SPAM1: variants seen among roughly 807,000 people sequenced by gnomAD.
SPAM1 encodes the protein hyaluronidase PH-20.
In SPAM1, 22 loss-of-function variants were observed where a neutral mutation model predicts 29.6. The ratio of observed to expected loss-of-function variants is 0.74; its 90% CI spans 0.53 to 1.06. The LOEUF (loss-of-function observed/expected upper bound fraction) is 1.06, where lower values mean the gene tolerates loss of function less well. Ranked by LOEUF, SPAM1 falls within the 50% of genes least tolerant of loss-of-function variation. The pLI is 0.00. For synonymous variants in SPAM1, 194 were observed against 204.6 expected, an observed-to-expected ratio of 0.95 and a Z score of 0.44; for missense variants, 534 against 604.0, an observed-to-expected ratio of 0.88 and a Z score of 1.21.
Position 123,933,139 on chromosome 7 carries a change from G to A in SPAM1, c.-319+7787G>A, listed in dbSNP as rs561535510. 8.6e-5 allele frequency among the ~76,000 whole-genome samples: 13 copies of A among 151,658 alleles called. No individual in the cohort carries two copies. The South Asian group carries it at 1.9e-3, about 22-fold the overall frequency. On this transcript the variant is annotated intron_variant, in intron 1 of 4. Coordinates refer to ENST00000682466, the MANE Select transcript of SPAM1 (RefSeq NM_153189.3). Reference sequence around the variant, plus strand: ...TACATAGGTATACATGTGCCATGGCGGTTTGCTTCACCTATCAACCTGTTA... The same window carrying A: ...TACATAGGTATACATGTGCCATGGCAGTTTGCTTCACCTATCAACCTGTTA...
In SPAM1 at chr7:123,953,652, C is replaced by A; in HGVS notation, c.82C>A (p.Leu28Ile). 2 of 1,613,194 alleles carry A rather than the reference C, an allele frequency of 1.2e-6. No homozygotes were observed. The highest frequency in any genetic ancestry group is 1.7e-6 in the Non-Finnish European group (2 of 1,179,594). ...AGTATCCCAGATAGTTTTCACCTTC[C>A]TTCTGATTCCATGTTGCTTGACTCT... ...SGVSQIVFTF[L>I]LIPCCLTLNF... The change falls in exon 3 of 5, where the codon CTT becomes ATT. Residue 28 changes from leucine to isoleucine, a missense_variant. Physicochemically the swap from Leu to Ile is conservative, Grantham distance 5. Transcript: ENST00000682466.
rs73720307 is a variant in SPAM1, at chr7:123,926,413, T to C, written c.-319+1061T>C. Among the ~76,000 whole-genome samples, 1,432 of 152,294 alleles carry C rather than the reference T, an allele frequency of 9.4e-3. 25 individuals are homozygous for C. The highest frequency in any genetic ancestry group is 0.033 in the African/African-American group (1,367 of 41,554). On this transcript the variant is annotated intron_variant, in intron 1 of 4. Transcript: ENST00000682466. Reference sequence around the variant, plus strand: ...AACTTTGGCAAAATAAACTTCTAAATTGATTGAGACCTGTCTCTGATACTT... The same window carrying C: ...AACTTTGGCAAAATAAACTTCTAAACTGATTGAGACCTGTCTCTGATACTT...
rs370443819 is a variant in SPAM1 at position 123,960,022 on chromosome 7, C to T, written c.*53C>T. 41 of 1,518,758 alleles carry T rather than the reference C, an allele frequency of 2.7e-5. No homozygotes were observed. The highest frequency in any genetic ancestry group is 2.1e-4 in the African/African-American group (15 of 72,040). 94.1% of individuals were successfully genotyped at this position (1,518,758 alleles called of 1,614,324 possible). ...ATGTCCATCTTAAAGTGTGCTTTTT[C>T]GACTAATTAAATCTTTGAAAAGAAC... On this transcript the variant is annotated 3_prime_UTR_variant, in exon 5 of 5. Coordinates refer to ENST00000682466, the MANE Select transcript of SPAM1 (RefSeq NM_153189.3).
rs564099218 is a variant in SPAM1, at chr7:123,969,898, A to G, written c.1486-300A>G. On this transcript the variant is annotated intron_variant, in intron 5 of 6. Coordinates refer to the SPAM1 transcript ENST00000340011. ...TAGATTGTTTTGGATAGTATATCTA[A>G]TAGCTTTGATGTATGGTGAAGGCAC... Among the ~76,000 whole-genome samples, 5 of 152,112 alleles carry G rather than the reference A, an allele frequency of 3.3e-5. No individual in the cohort carries two copies. In the East Asian group the frequency reaches 7.7e-4, roughly 24 times the overall value.
At chr7:123,964,364 T>C (rs1340835830), downstream of SPAM1, among the ~76,000 whole-genome samples, 2 of 151,980 alleles carry the variant, frequency 1.3e-5, no homozygotes, top group Admixed American at 6.6e-5. Flanking sequence ...ATTTTTATTA[T>C]GTATCACATA....
chr7:123,939,498 G>A (rs1023691171), intron 1 of SPAM1, among the ~76,000 whole-genome samples: 3 of 152,090 alleles, frequency 2.0e-5, no homozygotes, highest in African/African-American at 4.8e-5. Context: ...TGTGGCTTCT[G>A]GATGACATGC....
chr7:123,926,605 GT>G (rs1807893023), intron 1 of SPAM1, among the ~76,000 whole-genome samples: 1 of 152,142 alleles, frequency 6.6e-6, no homozygotes, highest in African/African-American at 2.4e-5. Context: ...TCGGGGTACA[GT>G]TTGGTTTTAT....
At chr7:123,929,635 G>T (rs1359769772) in intron 1 of SPAM1, among the ~76,000 whole-genome samples, 1 of 152,078 alleles carries the variant, frequency 6.6e-6, no homozygotes, top group Non-Finnish European at 1.5e-5. Flanking sequence ...GGGTATTAAG[G>T]ATACATCCAC....
intron 1 of SPAM1, among the ~76,000 whole-genome samples, chr7:123,948,259 T>C (rs1808649323): frequency 1.3e-5 from 2 of 152,166 alleles, no homozygotes; most frequent in Non-Finnish European, 2.9e-5. Flanking sequence ...AATTCTTAGC[T>C]TGGAGTCACT....
At chr7:123,961,023 T>C (rs537794053), downstream of SPAM1, among the ~76,000 whole-genome samples, 3 of 151,732 alleles carry the variant, frequency 2.0e-5, no homozygotes, top group African/African-American at 7.3e-5. Flanking sequence ...CTTAAAATCT[T>C]TTTTATTTTT....
chr7:123,970,130 T>C, intron 5 of SPAM1: 1 of 1,508,656 alleles, frequency 6.6e-7, no homozygotes, highest in Non-Finnish European at 9.0e-7. Context: ...CTAGTGATGC[T>C]ATAACAAAGT....
chr7:123,930,177 A>G (rs1447471039), intron 1 of SPAM1, among the ~76,000 whole-genome samples: 1 of 152,070 alleles, frequency 6.6e-6, no homozygotes, highest in East Asian at 1.9e-4. Flanking sequence ...TCCTACTTCC[A>G]ATTTCATCTC....
At position 123,953,978 on chromosome 7, in the gene SPAM1, A is replaced by G; in HGVS notation, c.408A>G (p.Pro136=). 6.2e-7 allele frequency: 1 copy of G among 1,613,794 alleles called. No homozygotes were observed. Among genetic ancestry groups the G allele is most frequent in the Non-Finnish European group, 8.5e-7 (1 of 1,179,830 alleles). Residue 136 remains proline (P), a synonymous_variant, in exon 3 of 5, where the codon CCA becomes CCG. Coordinates refer to ENST00000682466, the MANE Select transcript of SPAM1 (RefSeq NM_153189.3). The part of the protein sequence containing the change: ...KAKKDITFYM[P]VDNLGMAVID... ...AGAAAGACATTACATTTTATATGCCAGTAGACAATTTGGGAATGGCTGTTA... is the reference window on the plus strand; with the variant it reads ...AGAAAGACATTACATTTTATATGCCGGTAGACAATTTGGGAATGGCTGTTA...
At chr7:123,936,655 C>T (rs1808251647) in intron 1 of SPAM1, among the ~76,000 whole-genome samples, 1 of 152,084 alleles carries the variant, frequency 6.6e-6, no homozygotes, top group African/African-American at 2.4e-5. Context: ...CTTAGTTCTC[C>T]CCCTCCCTTC....
chr7:123,944,425 T>C (rs1032039913), intron 1 of SPAM1, among the ~76,000 whole-genome samples: 2 of 152,178 alleles, frequency 1.3e-5, no homozygotes, highest in African/African-American at 4.8e-5. Flanking sequence ...TCAGTTTTTT[T>C]CCTAAGCAAA....
intron 1 of SPAM1, among the ~76,000 whole-genome samples, chr7:123,931,844 A>G (rs1363706042): frequency 2.0e-5 from 3 of 152,186 alleles, no homozygotes; most frequent in African/African-American, 7.2e-5. Flanking sequence ...ATCTCAGAAC[A>G]TAAAAAGCGA....
Position 123,955,078 on chromosome 7 carries a change from C to A in SPAM1, c.1036C>A (p.Arg346=), listed in dbSNP as rs768838553. ...AATATGGGGAACCCTCAGTATAATG[C>A]GAAGTATGGTAAGTTGAATTGGTAG... is the stretch of plus-strand genomic sequence containing the variant. ...IVIWGTLSIM[R]SMKSCLLLDN... is the part of the protein sequence containing the mutation. Residue 346 remains arginine (R), a synonymous_variant, in exon 4 of 5, where the codon CGA becomes AGA. Coordinates refer to ENST00000682466, the MANE Select transcript of SPAM1 (RefSeq NM_153189.3). 4 of 1,604,380 alleles carry A rather than the reference C, an allele frequency of 2.5e-6. No homozygotes were observed. In the African/African-American group the frequency reaches 4.0e-5, roughly 16 times the overall value.
At chr7:123,966,227 C>T (rs1792422872) in intron 5 of SPAM1, among the ~76,000 whole-genome samples, 2 of 152,062 alleles carry the variant, frequency 1.3e-5, no homozygotes, top group Non-Finnish European at 2.9e-5. Context: ...GAGATACCAG[C>T]TCACACCAGT....
Position 123,953,560 on chromosome 7 carries a change from TAC to T in SPAM1, c.-10_-9del. ...AAGAAATAAATGTTTTCATAGTCAT[TAC>T]TCTTTACAATGGGAGTGCTAAAATT... On this transcript the variant is annotated 5_prime_UTR_variant, in exon 3 of 5. Transcript: ENST00000682466. The T allele has an allele frequency of 6.5e-7, 1 of 1,537,732 alleles. No homozygotes were observed. Among genetic ancestry groups the T allele is most frequent in the Non-Finnish European group, 8.8e-7 (1 of 1,133,600 alleles).
Sources: gnomAD v4.1 joint callset for allele counts (sites outside exome capture counted in the v4.1 genomes callset) on GRCh38, gnomAD v4.1.1 for gene constraint, MANE v1.5 for transcripts, NCBI Gene and HGNC (gene_info 2026-07-23, HGNC 2026-07-21) for gene names.